DDX46: variants seen among roughly 807,000 people sequenced by gnomAD.
DDX46 encodes probable ATP-dependent RNA helicase DDX46.
Under a neutral mutation model 134.9 loss-of-function variants are expected in DDX46, and 30 were observed. The ratio of observed to expected loss-of-function variants is 0.22; its 90% CI spans 0.17 to 0.30. The LOEUF is 0.30. Ranked by LOEUF, DDX46 falls within the 10% of genes least tolerant of loss-of-function variation. The probability of loss-of-function intolerance (pLI) is 1.00; values close to 1 mark genes in which losing one functional copy is unlikely to be tolerated. For missense variants in DDX46, 622 were observed against 1,248.7 expected (o/e 0.50, Z 7.56); for synonymous variants, 415 against 404.1 (o/e 1.03, Z -0.32).
intron 3 of DDX46, among the ~76,000 whole-genome samples, 169 bp from the exon 4 acceptor site, chr5:134,770,734 C>T (rs1296081296): frequency 6.6e-6 from 1 of 151,894 alleles, no homozygotes; most frequent in Non-Finnish European, 1.5e-5. Flanking sequence ...ATCGCTTGAA[C>T]CCGGGAGGTG....
At chr5:134,828,143 C>T (rs1044513369) in intron 22 of DDX46, among the ~76,000 whole-genome samples, 5 of 152,130 alleles carry the variant, frequency 3.3e-5, no homozygotes, top group African/African-American at 7.2e-5. Flanking sequence ...AGCTTATAAA[C>T]ACTCCCTACA....
chr5:134,796,285 T>C, intron 15 of DDX46, 135 bp downstream of exon 15: 1 of 910,362 alleles, frequency 1.1e-6, no homozygotes, highest in Admixed American at 3.0e-5. Flanking sequence ...TCTAAAGTGC[T>C]TTGTGGGAGT....
At chr5:134,780,096 ATATGTG>A (rs879939172) in intron 6 of DDX46, among the ~76,000 whole-genome samples, 1,358 of 123,498 alleles carry the variant, frequency 0.011, 23 homozygotes, top group African/African-American at 0.042. Flanking sequence ...TGAAAAAAAT[ATATGTG>A]TGTGTGTGTG....
At chr5:134,763,415 C>T (rs1753458032) in intron 1 of DDX46, among the ~76,000 whole-genome samples, 1 of 152,176 alleles carries the variant, frequency 6.6e-6, no homozygotes. Flanking sequence ...TCTTTCAACA[C>T]TAGCCACAAC....
Position 134,818,934 on chromosome 5 carries a change from C to A in DDX46, c.2907C>A (p.Ile969=). 2.5e-6 allele frequency: 4 copies of A among 1,614,020 alleles called. No individual in the cohort carries two copies. Among genetic ancestry groups the A allele is most frequent in the Non-Finnish European group, 1.7e-6 (2 of 1,179,982 alleles). Residue 969 remains isoleucine, a synonymous_variant, in exon 21 of 23, where the codon ATC becomes ATA. Transcript: ENST00000452510. ...ISEYSEAAIT[I]RGTYFPPGKE... is the part of the protein sequence containing the mutation. ...AATACTCTGAAGCCGCAATTACAAT[C>A]AGAGGAACCTACTTCCCTCCTGGCA...
intron 5 of DDX46, among the ~76,000 whole-genome samples, chr5:134,775,469 T>A (rs538231646): frequency 7.9e-5 from 12 of 152,142 alleles, no homozygotes; most frequent in African/African-American, 2.9e-4. Flanking sequence ...TTGAGTGCAG[T>A]GCCGTGATCT....
At chr5:134,795,440 G>C (rs1477194586) in intron 14 of DDX46, among the ~76,000 whole-genome samples, 1 of 152,162 alleles carries the variant, frequency 6.6e-6, no homozygotes, top group Non-Finnish European at 1.5e-5. Flanking sequence ...GCTGATTGTA[G>C]TTGGAGCACA....
rs371242485 is a variant in DDX46 at position 134,785,589 on chromosome 5, A to G, written c.1464+3A>G. On this transcript the variant is annotated splice_donor_region_variant and intron_variant, in intron 11 of 22. Transcript: ENST00000452510. ...GAGGAACAGGAATCAGTGAGCAGGT[A>G]GTTATATAAGAAACATTCATGTTTT... The G allele has an allele frequency of 7.5e-6, 12 of 1,601,454 alleles. No homozygotes were observed. Among genetic ancestry groups the G allele is most frequent in the Non-Finnish European group, 5.1e-6 (6 of 1,175,514 alleles).
intron 18 of DDX46, among the ~76,000 whole-genome samples, chr5:134,812,387 G>C (rs554546541): frequency 6.6e-6 from 1 of 151,838 alleles, no homozygotes; most frequent in Non-Finnish European, 1.5e-5. Flanking sequence ...AGTCTTTAAC[G>C]AATCTTGTTT....
At chr5:134,777,512 C>G in intron 5 of DDX46, 62 bp from the exon 6 acceptor site, 2 of 1,588,776 alleles carry the variant, frequency 1.3e-6, no homozygotes, top group Non-Finnish European at 1.7e-6. Context: ...GGGGTGTGGT[C>G]TGATTGTGAA....
intron 15 of DDX46, among the ~76,000 whole-genome samples, chr5:134,799,329 T>C (rs1250511752): frequency 6.6e-6 from 1 of 151,870 alleles, no homozygotes; most frequent in Non-Finnish European, 1.5e-5. Context: ...TTTTTTTTTT[T>C]CTGAGACAGA....
At chr5:134,786,379 C>G (rs1055208598) in intron 11 of DDX46, among the ~76,000 whole-genome samples, 5 of 152,142 alleles carry the variant, frequency 3.3e-5, no homozygotes, top group African/African-American at 1.2e-4. Flanking sequence ...TATCCCTCCT[C>G]CCTCTTCCCC....
chr5:134,820,238 C>T (rs1383132970), intron 21 of DDX46, among the ~76,000 whole-genome samples: 4 of 152,192 alleles, frequency 2.6e-5, no homozygotes, highest in Non-Finnish European at 4.4e-5. Flanking sequence ...TTATATTTAA[C>T]ATCTTTGTTA....
At chr5:134,781,858 T>G in intron 7 of DDX46, 63 bp from the exon 8 acceptor site, 2 of 1,461,164 alleles carry the variant, frequency 1.4e-6, no homozygotes, top group Non-Finnish European at 1.9e-6. Context: ...CTAGGAGTAT[T>G]GCTTCCCACA....
At chr5:134,795,935 G>T (rs2150148726) in intron 14 of DDX46, 53 bp from the exon 15 acceptor site, 7 of 1,511,686 alleles carry the variant, frequency 4.6e-6, no homozygotes, top group East Asian at 4.5e-5. Context: ...TTCTGTCCAG[G>T]GGATCCATTT....
chr5:134,778,198 G>A (rs1754007865), intron 6 of DDX46, among the ~76,000 whole-genome samples: 3 of 151,380 alleles, frequency 2.0e-5, no homozygotes, highest in African/African-American at 7.3e-5. Context: ...TTTGTATTTT[G>A]GTAGAGATGA....
intron 11 of DDX46, among the ~76,000 whole-genome samples, chr5:134,787,949 A>T (rs1222928123): frequency 6.6e-6 from 1 of 150,676 alleles, no homozygotes; most frequent in African/African-American, 2.4e-5. Flanking sequence ...TGAGCCCAGG[A>T]TCTAGGCTGC....
intron 1 of DDX46, among the ~76,000 whole-genome samples, chr5:134,760,318 A>G (rs1237120157): frequency 1.3e-5 from 2 of 152,178 alleles, no homozygotes; most frequent in Admixed American, 1.3e-4. Context: ...GGGAATCATG[A>G]AAGGCTTAGA....
rs755280729 is a variant in DDX46 at position 134,786,530 on chromosome 5, TA to T, written c.1464+946del. On this transcript the variant is annotated intron_variant, in intron 11 of 22. Transcript: ENST00000452510. Reference sequence around the variant, plus strand: ...TCTGATCTCTGAGCATTTGTTTCTCTAATCTATGCTGACATCTTTAAAAAGT... The same window carrying T: ...TCTGATCTCTGAGCATTTGTTTCTCTATCTATGCTGACATCTTTAAAAAGT... Among the ~76,000 whole-genome samples, 48 of 152,264 alleles carry T rather than the reference TA, an allele frequency of 3.2e-4. 1 individual carries two copies. Among genetic ancestry groups the T allele is most frequent in the Non-Finnish European group, 4.0e-4 (27 of 68,016 alleles).
Sources: gnomAD v4.1 joint callset for allele counts (sites outside exome capture counted in the v4.1 genomes callset) on GRCh38, gnomAD v4.1.1 for gene constraint, MANE v1.5 for transcripts, NCBI Gene and HGNC (gene_info 2026-07-23, HGNC 2026-07-21) for gene names.